The following ATPSCKMT variants were observed in gnomAD, a reference collection of about 807,000 sequenced individuals.
ATPSCKMT encodes the protein ATP synthase subunit C lysine N-methyltransferase.
A neutral mutation model predicts 24.3 loss-of-function variants in ATPSCKMT; 24 were observed. The observed-to-expected ratio is 0.99, with a 90% CI of 0.71 to 1.39. ATPSCKMT has a LOEUF of 1.39. Ranked by LOEUF, ATPSCKMT falls within the 40% of genes most tolerant of loss-of-function variation. ATPSCKMT has a pLI of 0.00. For missense variants in ATPSCKMT, 311 were observed against 298.4 expected, an observed-to-expected ratio of 1.04 and a Z score of -0.31; for synonymous variants, 95 against 110.5, an observed-to-expected ratio of 0.86 and a Z score of 0.88.
rs987756625 is a variant in ATPSCKMT, at chr5:10,227,545, C to T, written c.598G>A (p.Gly200Arg). ...FPHWTPDHVT[G>R]EGIDTVWAYD... ...GCCCACACTGTGTCTATCCCCTCCCCCGTGACGTGGTCTGGAGTCCAATGT... is the reference window on the plus strand; with the variant it reads ...GCCCACACTGTGTCTATCCCCTCCCTCGTGACGTGGTCTGGAGTCCAATGT... Residue 200 changes from glycine (G) to arginine (R), a missense_variant, in exon 5 of 5, where the codon GGG becomes AGG. Physicochemically the swap from Gly to Arg is moderately radical, Grantham distance 125. Coordinates refer to ENST00000511437, the MANE Select transcript of ATPSCKMT (RefSeq NM_199133.4). The T allele has an allele frequency of 3.7e-6, 6 of 1,614,204 alleles. No homozygotes were observed. Among genetic ancestry groups the T allele is most frequent in the South Asian group, 1.1e-5 (1 of 91,086 alleles).
intron 1 of ATPSCKMT, chr5:10,249,655 C>A: frequency 2.5e-6 from 2 of 798,732 alleles, no homozygotes; most frequent in Non-Finnish European, 1.9e-6. Context: ...GAAACGCGCC[C>A]GCCGACAAGG....
intron 4 of ATPSCKMT, among the ~76,000 whole-genome samples, chr5:10,234,196 C>A (rs1260229919): frequency 6.6e-6 from 1 of 152,028 alleles, no homozygotes; most frequent in Non-Finnish European, 1.5e-5. Context: ...GGCGTGGTGG[C>A]AGGTGCCTGT....
chr5:10,238,925 G>A, intron 2 of ATPSCKMT, 142 bp downstream of exon 2: 1 of 1,022,188 alleles, frequency 9.8e-7, no homozygotes, highest in Non-Finnish European at 1.4e-6. Context: ...TAGTTGAATA[G>A]TTTGGTCAAA....
At chr5:10,249,766 C>T (rs1338414862) in intron 1 of ATPSCKMT, 92 bp downstream of exon 1, 6 of 1,495,180 alleles carry the variant, frequency 4.0e-6, no homozygotes, top group Non-Finnish European at 3.6e-6. Context: ...GTCACCGCCT[C>T]GACAGTGGAG....
chr5:10,233,039 G>A (rs1744221734), intron 4 of ATPSCKMT, among the ~76,000 whole-genome samples: 1 of 152,196 alleles, frequency 6.6e-6, no homozygotes, highest in African/African-American at 2.4e-5. Flanking sequence ...CTGATTTTGA[G>A]CTACAACCGC....
intron 1 of ATPSCKMT, among the ~76,000 whole-genome samples, chr5:10,239,854 G>A (rs1469297454): frequency 6.6e-6 from 1 of 152,122 alleles, no homozygotes; most frequent in African/African-American, 2.4e-5. Flanking sequence ...TAAAGTAATA[G>A]AAGAGACAAA....
chr5:10,236,582 C>T lies in ATPSCKMT; in HGVS notation c.340G>A (p.Val114Ile), dbSNP rs1450922653. Reference sequence around the variant, plus strand: ...AGCCATGGGTTTAATTCATAACCAACTGCTGTGAACCCTTTCTTCGCAGCC... The same window carrying T: ...AGCCATGGGTTTAATTCATAACCAATTGCTGTGAACCCTTTCTTCGCAGCC... ...IAAAKKGFTAVGYELNPWLVW... is the reference protein window; with the variant it reads ...IAAAKKGFTAIGYELNPWLVW... The change falls in exon 3 of 5, where the codon GTT becomes ATT. Residue 114 changes from valine to isoleucine, a missense_variant. By Grantham distance (29) the Val-to-Ile change is conservative. Transcript: ENST00000511437. 2 of 1,614,096 alleles carry T rather than the reference C, an allele frequency of 1.2e-6. No homozygotes were observed. The highest frequency in any genetic ancestry group is 1.3e-5 in the African/African-American group (1 of 74,938).
intron 1 of ATPSCKMT, among the ~76,000 whole-genome samples, chr5:10,245,746 C>CAA (rs773111276): frequency 3.2e-5 from 3 of 94,154 alleles, no homozygotes; most frequent in Admixed American, 1.1e-4. Context: ...GACCTCATTA[C>CAA]AAAAAAAAAA....
intron 1 of ATPSCKMT, among the ~76,000 whole-genome samples, chr5:10,243,554 T>C (rs572349711): frequency 6.0e-4 from 92 of 152,384 alleles, no homozygotes; most frequent in African/African-American, 2.1e-3. Context: ...CTAGATAACT[T>C]GCTGCGGCTT....
chr5:10,249,491 G>T, intron 1 of ATPSCKMT: 2 of 276,134 alleles, frequency 7.2e-6, no homozygotes, highest in Non-Finnish European at 1.3e-5. Flanking sequence ...GAACCCGAGG[G>T]ACAAAGAAGT....
At position 10,249,489 on chromosome 5, in the gene ATPSCKMT, G is replaced by C. The variant is rs1579439736; in HGVS notation, c.16+369C>G. 3.7e-5 allele frequency: 10 copies of C among 271,776 alleles called. No homozygotes were observed. In the East Asian group the frequency reaches 6.3e-4, roughly 17 times the overall value. 16.8% of individuals were successfully genotyped at this position (271,776 alleles called of 1,614,324 possible). A position where few individuals can be genotyped will look rare whatever the true frequency, so the allele number is the denominator to read the frequency against. On this transcript the variant is annotated intron_variant, in intron 1 of 4. Transcript: ENST00000511437. Reference sequence around the variant, plus strand: ...GTCACTTTGCAGACAGGGAACCCGAGGGACAAAGAAGTTAAGGGATTTCCT... The same window carrying C: ...GTCACTTTGCAGACAGGGAACCCGACGGACAAAGAAGTTAAGGGATTTCCT...
intron 1 of ATPSCKMT, among the ~76,000 whole-genome samples, chr5:10,240,176 G>C (rs1299087862): frequency 6.6e-6 from 1 of 151,640 alleles, no homozygotes; most frequent in Non-Finnish European, 1.5e-5. Flanking sequence ...GGAGCTGACA[G>C]TGAGCCGAGA....
intron 1 of ATPSCKMT, among the ~76,000 whole-genome samples, chr5:10,243,288 A>G (rs899994273): frequency 1.3e-5 from 2 of 152,172 alleles, no homozygotes; most frequent in Non-Finnish European, 2.9e-5. Flanking sequence ...GTTCAAGACC[A>G]GTCTGACCAA....
At chr5:10,248,825 G>C (rs1353179368) in intron 1 of ATPSCKMT, among the ~76,000 whole-genome samples, 1 of 152,184 alleles carries the variant, frequency 6.6e-6, no homozygotes, top group Non-Finnish European at 1.5e-5. Context: ...CATGGCAGTA[G>C]GGGAGAAGCA....
rs185551309 is a variant in ATPSCKMT, at chr5:10,239,960, T to C, written c.17-604A>G. On this transcript the variant is annotated intron_variant, in intron 1 of 4. Coordinates refer to ENST00000511437, the MANE Select transcript of ATPSCKMT (RefSeq NM_199133.4). ...CAAAAAATAAGGCCGGGCGTGGTGG[T>C]TCACGCCTGTAATCCCAGCACTTTG... Among the ~76,000 whole-genome samples the C allele has an allele frequency of 1.1e-3, 171 of 150,800 alleles. 1 individual carries two copies. In the East Asian group the frequency reaches 0.011, roughly 10 times the overall value.
chr5:10,249,692 G>T, intron 1 of ATPSCKMT, 166 bp downstream of exon 1: 2 of 1,131,188 alleles, frequency 1.8e-6, no homozygotes, highest in Non-Finnish European at 2.4e-6. Flanking sequence ...CGGGCACCGC[G>T]CGGCGACCAG....
At position 10,239,284 on chromosome 5, in the gene ATPSCKMT, C is replaced by T. The variant is rs1200259603; in HGVS notation, c.89G>A (p.Ser30Asn). ...HVLPASFEVN[S>N]LQKSNWGFLL... ...GAACCCCCAGTTGCTTTTCTGCAAA[C>T]TGTTGACTTCAAAACTTGCAGGTAG... Residue 30 changes from serine to asparagine, a missense_variant, in exon 2 of 5, where the codon AGT (serine) becomes AAT (asparagine). Transcript: ENST00000511437. 2.5e-6 allele frequency: 4 copies of T among 1,614,204 alleles called. No homozygotes were observed. Among genetic ancestry groups the T allele is most frequent in the South Asian group, 2.2e-5 (2 of 91,080 alleles).
intron 4 of ATPSCKMT, among the ~76,000 whole-genome samples, chr5:10,234,460 G>T (rs1744286875): frequency 6.6e-6 from 1 of 152,028 alleles, no homozygotes; most frequent in Non-Finnish European, 1.5e-5. Context: ...AAAAATTTGG[G>T]TATTAATTAA....
At chr5:10,235,460 T>G (rs1744333580) in intron 3 of ATPSCKMT, among the ~76,000 whole-genome samples, 199 bp from the exon 4 acceptor site, 1 of 152,186 alleles carries the variant, frequency 6.6e-6, no homozygotes, top group African/African-American at 2.4e-5. Context: ...TTTAATTCAA[T>G]CCACTGCAGT....
Sources: allele counts gnomAD v4.1 joint callset (sites outside exome capture counted in the v4.1 genomes callset), GRCh38; gene constraint gnomAD v4.1.1; transcripts MANE v1.5; gene names NCBI Gene and HGNC (gene_info 2026-07-23, HGNC 2026-07-21).